Variants in CLVS1 observed in about 807,000 individuals in gnomAD.
CLVS1 encodes the protein clavesin 1, also known as clavesin-1.
A neutral mutation model predicts 33.1 loss-of-function variants in CLVS1; 10 were observed. The ratio of observed to expected loss-of-function variants is 0.30; its 90% CI spans 0.19 to 0.51. The LOEUF is 0.51. Among genes scored for constraint, CLVS1 ranks in the 20% least tolerant of loss-of-function variants. The pLI is 0.97. For missense variants in CLVS1, 343 were observed against 433.4 expected, an observed-to-expected ratio of 0.79 and a Z score of 1.85; for synonymous variants, 163 against 166.1, an observed-to-expected ratio of 0.98 and a Z score of 0.14.
At chr8:61,344,345 C>T (rs557119206) in intron 2 of CLVS1, among the ~76,000 whole-genome samples, 43 of 152,270 alleles carry the variant, frequency 2.8e-4, no homozygotes, top group Middle Eastern at 6.8e-3. Flanking sequence ...CCGCACTCGG[C>T]CTAGAGCTGA....
intron 2 of CLVS1, among the ~76,000 whole-genome samples, chr8:61,366,409 G>C (rs535068078): frequency 5.3e-5 from 8 of 152,150 alleles, no homozygotes; most frequent in Non-Finnish European, 8.8e-5. Context: ...GTGAATGCAG[G>C]CATGGCCCTC....
At chr8:61,456,633 T>C (rs1419281274) in intron 4 of CLVS1, among the ~76,000 whole-genome samples, 1 of 152,028 alleles carries the variant, frequency 6.6e-6, no homozygotes, top group Non-Finnish European at 1.5e-5. Context: ...AAATCACATA[T>C]AGGCTGGGCG....
the CLVS1 span, among the ~76,000 whole-genome samples, chr8:60,975,787 T>C: frequency 5.3e-5 from 8 of 152,330 alleles, no homozygotes; most frequent in Middle Eastern, 3.4e-3. Context: ...TTAATTATAA[T>C]ATTTAAGAAA....
chr8:61,495,087 T>C (rs1250616091), intron 5 of CLVS1, among the ~76,000 whole-genome samples: 1 of 152,208 alleles, frequency 6.6e-6, no homozygotes, highest in African/African-American at 2.4e-5. Context: ...GTACATCTAT[T>C]AGAAGAAATC....
chr8:61,289,525 G>A (rs1410258100), intron 1 of CLVS1, among the ~76,000 whole-genome samples: 3 of 152,152 alleles, frequency 2.0e-5, no homozygotes, highest in African/African-American at 7.2e-5. Context: ...AAAGCATTGG[G>A]ATTTTTTGAC....
chr8:61,099,513 A>T (rs1805410444), intron 1 of CLVS1, among the ~76,000 whole-genome samples: 1 of 152,236 alleles, frequency 6.6e-6, no homozygotes, highest in South Asian at 2.1e-4. Flanking sequence ...GCAGGAGTAT[A>T]AACAAGTGAA....
At chr8:61,281,417 C>T (rs1462242325) in intron 2 of CLVS1, among the ~76,000 whole-genome samples, 1 of 152,038 alleles carries the variant, frequency 6.6e-6, no homozygotes, top group Non-Finnish European at 1.5e-5. Context: ...GACTGATATC[C>T]TCATAAGAAG....
At chr8:61,207,544 C>T (rs1807881141) in intron 2 of CLVS1, among the ~76,000 whole-genome samples, 1 of 152,206 alleles carries the variant, frequency 6.6e-6, no homozygotes, top group African/African-American at 2.4e-5. Flanking sequence ...ACAATTTTTA[C>T]ATTCTTGTGA....
At chr8:60,990,733 G>GGAGGTGGAT in the CLVS1 span, among the ~76,000 whole-genome samples, 1 of 138,956 alleles carries the variant, frequency 7.2e-6, no homozygotes, top group Non-Finnish European at 1.5e-5. Context: ...TTTTGAGACA[G>GGAGGTGGAT]AGTCTCATTC....
chr8:61,374,468 G>T (rs1277246807), intron 2 of CLVS1, among the ~76,000 whole-genome samples: 1 of 152,028 alleles, frequency 6.6e-6, no homozygotes, highest in African/African-American at 2.4e-5. Flanking sequence ...ATTTCCATTT[G>T]GAATTGCCTA....
chr8:61,201,808 G>T (rs2129305116), intron 2 of CLVS1, among the ~76,000 whole-genome samples: 1 of 152,270 alleles, frequency 6.6e-6, no homozygotes, highest in Non-Finnish European at 1.5e-5. Flanking sequence ...TAAAGAAATA[G>T]CACTAGAACA....
At chr8:61,462,083 G>A (rs1005247259) in intron 5 of CLVS1, among the ~76,000 whole-genome samples, 2 of 152,220 alleles carry the variant, frequency 1.3e-5, no homozygotes, top group South Asian at 2.1e-4. Context: ...CAGAGACTTA[G>A]TTGGGAAGAT....
At chr8:61,359,936 A>G (rs1285075479) in intron 2 of CLVS1, among the ~76,000 whole-genome samples, 1 of 152,038 alleles carries the variant, frequency 6.6e-6, no homozygotes, top group Non-Finnish European at 1.5e-5. Flanking sequence ...TGAATCCTGT[A>G]TCTGGAGCTC....
intron 1 of CLVS1, among the ~76,000 whole-genome samples, chr8:61,119,623 C>T (rs1351909148): frequency 4.0e-5 from 6 of 149,454 alleles, no homozygotes; most frequent in South Asian, 4.3e-4. Context: ...ATTTCTCCTT[C>T]GCTTATGAAG....
intron 1 of CLVS1, among the ~76,000 whole-genome samples, chr8:61,102,477 A>G (rs1374815973): frequency 6.6e-6 from 1 of 152,202 alleles, no homozygotes; most frequent in Non-Finnish European, 1.5e-5. Flanking sequence ...TGAACTAATT[A>G]GTTCTAATAG....
intron 2 of CLVS1, among the ~76,000 whole-genome samples, chr8:61,179,342 C>T (rs186979472): frequency 6.6e-6 from 1 of 152,274 alleles, no homozygotes; most frequent in East Asian, 1.9e-4. Context: ...ATTCATAAAA[C>T]AAGTTCTTAG....
intron 2 of CLVS1, among the ~76,000 whole-genome samples, chr8:61,364,486 CT>C (rs1324269185): frequency 2.0e-5 from 3 of 152,160 alleles, no homozygotes; most frequent in Non-Finnish European, 2.9e-5. Flanking sequence ...AAAGATAAGA[CT>C]TTTCTTTCAG....
At chr8:61,353,405 C>T (rs1013961229) in intron 2 of CLVS1, among the ~76,000 whole-genome samples, 2 of 151,822 alleles carry the variant, frequency 1.3e-5, no homozygotes, top group Non-Finnish European at 2.9e-5. Context: ...ACACAAAAAT[C>T]TCAGAAGACA....
chr8:61,169,941 A>G (rs1023317979), intron 2 of CLVS1, among the ~76,000 whole-genome samples: 3 of 152,136 alleles, frequency 2.0e-5, no homozygotes, highest in African/African-American at 7.2e-5. Context: ...CATTTACTCT[A>G]CTTCTCATGC....
Sources: allele counts gnomAD v4.1 joint callset (sites outside exome capture counted in the v4.1 genomes callset), GRCh38; gene constraint gnomAD v4.1.1; transcripts MANE v1.5; gene names NCBI Gene and HGNC (gene_info 2026-07-23, HGNC 2026-07-21).